The following CORO2B variants were observed in gnomAD, a reference collection of about 807,000 sequenced individuals.
The protein encoded by CORO2B is coronin-2B.
CORO2B carries 26 observed loss-of-function variants against 58.8 expected under a neutral mutation model. The observed-to-expected ratio is 0.44, with a 90% confidence interval of 0.32 to 0.61. CORO2B has a LOEUF of 0.61. CORO2B is among the 20% of genes least tolerant of loss of function. The pLI, the probability that CORO2B is intolerant of heterozygous loss-of-function variation, is 0.04. For synonymous variants in CORO2B, 242 were observed against 253.8 expected, an observed-to-expected ratio of 0.95 and a Z score of 0.44; for missense variants, 460 against 645.1, an observed-to-expected ratio of 0.71 and a Z score of 3.11.
chr15:68,617,194 G>C (rs945532595), intron 1 of CORO2B, among the ~76,000 whole-genome samples: 1 of 144,420 alleles, frequency 6.9e-6, no homozygotes, highest in Non-Finnish European at 1.5e-5. Context: ...GTCATATCCT[G>C]ACACTGGTGG....
At chr15:68,631,407 G>A (rs542657625) in intron 1 of CORO2B, among the ~76,000 whole-genome samples, 1 of 152,306 alleles carries the variant, frequency 6.6e-6, no homozygotes, top group Non-Finnish European at 1.5e-5. Flanking sequence ...TTACAGATGA[G>A]AACACAAGCT....
the CORO2B span, among the ~76,000 whole-genome samples, chr15:68,540,046 A>T: frequency 6.6e-6 from 1 of 152,278 alleles, no homozygotes; most frequent in African/African-American, 2.4e-5. Flanking sequence ...CCAAAACTCA[A>T]CTAGTAGGAA....
intron 1 of CORO2B, among the ~76,000 whole-genome samples, chr15:68,618,437 T>C (rs762458334): frequency 6.6e-6 from 1 of 152,234 alleles, no homozygotes; most frequent in Non-Finnish European, 1.5e-5. Flanking sequence ...GCACTTGAGC[T>C]GAGTCCAGAT....
rs73427180 is a variant in CORO2B at position 68,726,214 on chromosome 15, G to T, written c.*240G>T. 2.2e-3 allele frequency: 1,061 copies of T among 492,776 alleles called. 13 individuals are homozygous for T. Among genetic ancestry groups the T allele is most frequent in the African/African-American group, 0.019 (969 of 49,840 alleles). The allele number at this position is 492,776 out of a possible 1,614,324, so 30.5% of individuals were successfully genotyped here. On this transcript the variant is annotated 3_prime_UTR_variant, in exon 12 of 12. Transcript: ENST00000261861. ...AGCCCCTTTCCCTGCCACCCCAGGA[G>T]CCAGGCTTCCCCTCAGCTGGGTGAA...
chr15:68,562,793 G>A, the CORO2B span, among the ~76,000 whole-genome samples: 11 of 151,770 alleles, frequency 7.2e-5, no homozygotes, highest in East Asian at 7.9e-4. Context: ...TGGCTAACAC[G>A]GCGAAACCCC....
intron 1 of CORO2B, among the ~76,000 whole-genome samples, chr15:68,594,294 T>G (rs1005652230): frequency 2.6e-5 from 4 of 152,156 alleles, no homozygotes; most frequent in African/African-American, 9.7e-5. Context: ...CAGCAGTGAC[T>G]GAAGCATCCC....
chr15:68,590,882 C>T (rs1460494017), intron 1 of CORO2B, among the ~76,000 whole-genome samples: 1 of 152,116 alleles, frequency 6.6e-6, no homozygotes, highest in African/African-American at 2.4e-5. Context: ...CTGTGTTCCT[C>T]TCCACCCTGG....
At position 68,668,816 on chromosome 15, in the gene CORO2B, C is replaced by T. The variant is rs531305588; in HGVS notation, c.216+23456C>T. The stretch of plus-strand genomic sequence containing the variant: ...AAGACAGGCCGAGCATGGTGGCTCA[C>T]GCCTGTAATCCCAGCACTTTGGGAG... On this transcript the variant is annotated intron_variant, in intron 2 of 11. Transcript: ENST00000261861. Among the ~76,000 whole-genome samples, 68 of 152,274 alleles carry T rather than the reference C, an allele frequency of 4.5e-4. No individual in the cohort carries two copies. The South Asian group carries it at 4.8e-3, about 11-fold the overall frequency.
At chr15:68,672,645 G>T (rs1461380177) in intron 2 of CORO2B, among the ~76,000 whole-genome samples, 1 of 152,226 alleles carries the variant, frequency 6.6e-6, no homozygotes, top group Non-Finnish European at 1.5e-5. Context: ...AAAAGAGACT[G>T]CAAGTGATAC....
intron 1 of CORO2B, among the ~76,000 whole-genome samples, chr15:68,609,930 T>C (rs976348379): frequency 1.3e-5 from 2 of 152,128 alleles, no homozygotes; most frequent in African/African-American, 4.8e-5. Context: ...ATCATCCACA[T>C]TGGCCAGCTA....
At chr15:68,682,698 G>A (rs1019656960) in intron 2 of CORO2B, among the ~76,000 whole-genome samples, 7 of 152,108 alleles carry the variant, frequency 4.6e-5, no homozygotes, top group African/African-American at 1.2e-4. Flanking sequence ...CTCACTTTTC[G>A]GAGGGAGAGA....
At chr15:68,600,164 C>T (rs574569960) in intron 1 of CORO2B, among the ~76,000 whole-genome samples, 1 of 152,192 alleles carries the variant, frequency 6.6e-6, no homozygotes, top group Non-Finnish European at 1.5e-5. Context: ...AACAAACAAG[C>T]CTCCATCTAA....
At chr15:68,552,853 A>G in the CORO2B span, among the ~76,000 whole-genome samples, 4 of 152,214 alleles carry the variant, frequency 2.6e-5, no homozygotes, top group South Asian at 8.3e-4. Flanking sequence ...TCCCAGGAGC[A>G]GACAGGAAGG....
intron 3 of CORO2B, among the ~76,000 whole-genome samples, chr15:68,702,821 CTTTTTTT>C (rs113249272): frequency 2.7e-4 from 26 of 96,250 alleles, no homozygotes; most frequent in East Asian, 5.4e-4. Context: ...TTTTCTTTTT[CTTTTTTT>C]TTTTTTTTTT....
intron 2 of CORO2B, among the ~76,000 whole-genome samples, chr15:68,659,108 G>A (rs1332129090): frequency 6.6e-6 from 1 of 152,216 alleles, no homozygotes; most frequent in Non-Finnish European, 1.5e-5. Flanking sequence ...GACCTGCAGT[G>A]GACGGTCTGC....
chr15:68,627,776 C>T (rs112748658), intron 1 of CORO2B, among the ~76,000 whole-genome samples: 1 of 152,108 alleles, frequency 6.6e-6, no homozygotes, highest in Non-Finnish European at 1.5e-5. Flanking sequence ...CCTCTGTCTG[C>T]TTACCCCTGC....
chr15:68,664,785 G>A (rs753432679), intron 2 of CORO2B, among the ~76,000 whole-genome samples: 4 of 152,120 alleles, frequency 2.6e-5, no homozygotes, highest in Admixed American at 6.6e-5. Flanking sequence ...TGAAAATATC[G>A]TCGTATGCTT....
chr15:68,538,885 A>T, the CORO2B span, among the ~76,000 whole-genome samples: 1 of 152,124 alleles, frequency 6.6e-6, no homozygotes, highest in Non-Finnish European at 1.5e-5. Context: ...GGAAGGAGAT[A>T]TGGCCAGGGA....
chr15:68,720,815 G>T (rs7168721), intron 11 of CORO2B, among the ~76,000 whole-genome samples: 105,876 of 152,086 alleles, frequency 0.7, 37,281 homozygotes, highest in East Asian at 0.87. Flanking sequence ...ATTAGGGCCA[G>T]CCCATGCTTG....
Sources: gnomAD v4.1 joint callset for allele counts (sites outside exome capture counted in the v4.1 genomes callset) on GRCh38, gnomAD v4.1.1 for gene constraint, MANE v1.5 for transcripts, NCBI Gene and HGNC (gene_info 2026-07-23, HGNC 2026-07-21) for gene names.